The following EPHA5 variants were observed in gnomAD, a reference collection of about 807,000 sequenced individuals.
EPHA5 encodes the protein ephrin type-A receptor 5.
EPHA5 carries 60 observed loss-of-function variants against 105.0 expected under a neutral mutation model. That is an observed-to-expected ratio of 0.57 (90% confidence interval 0.46 to 0.71). The LOEUF is 0.71. Ranked by LOEUF, EPHA5 falls within the 30% of genes least tolerant of loss-of-function variation. The probability of loss-of-function intolerance (pLI) is 0.00; values close to 1 mark genes in which losing one functional copy is unlikely to be tolerated. For missense variants in EPHA5, 1,218 were observed against 1,274.7 expected, an observed-to-expected ratio of 0.96 and a Z score of 0.68; for synonymous variants, 513 against 449.1, an observed-to-expected ratio of 1.14 and a Z score of -1.80.
chr4:65,516,674 C>G (rs1275279836), intron 3 of EPHA5, among the ~76,000 whole-genome samples: 1 of 151,998 alleles, frequency 6.6e-6, no homozygotes, highest in Non-Finnish European at 1.5e-5. Context: ...TTTGGTTATT[C>G]TTTTGCATAT....
At chr4:65,481,850 G>A (rs1730394502) in intron 5 of EPHA5, among the ~76,000 whole-genome samples, 1 of 152,164 alleles carries the variant, frequency 6.6e-6, no homozygotes, top group South Asian at 2.1e-4. Context: ...GCTGGCTTAG[G>A]TGCTAAATAC....
At chr4:65,666,656 T>C (rs1176382367) in intron 1 of EPHA5, among the ~76,000 whole-genome samples, 1 of 152,208 alleles carries the variant, frequency 6.6e-6, no homozygotes, top group African/African-American at 2.4e-5. Context: ...AGATCAAATA[T>C]TCCTTTCACA....
chr4:65,405,656 T>C (rs1009635981), intron 7 of EPHA5, among the ~76,000 whole-genome samples: 1 of 152,190 alleles, frequency 6.6e-6, no homozygotes, highest in Non-Finnish European at 1.5e-5. Context: ...TGAGTAAAAC[T>C]ATTATTTTCA....
chr4:65,367,927 C>T (rs931556641), intron 8 of EPHA5, among the ~76,000 whole-genome samples: 1 of 151,964 alleles, frequency 6.6e-6, no homozygotes, highest in Non-Finnish European at 1.5e-5. Flanking sequence ...ACCCAGAAAA[C>T]TATGAAATTC....
intron 2 of EPHA5, among the ~76,000 whole-genome samples, chr4:65,633,933 A>T (rs183061913): frequency 4.7e-4 from 71 of 152,248 alleles, no homozygotes; most frequent in Admixed American, 1.9e-3. Flanking sequence ...ATAAGTGTGG[A>T]TAACACACCT....
intron 4 of EPHA5, among the ~76,000 whole-genome samples, chr4:65,492,531 A>T (rs1578243591): frequency 8.8e-6 from 1 of 113,088 alleles, no homozygotes; most frequent in African/African-American, 3.7e-5. Context: ...AAAACTTGAC[A>T]TCTTTGCAAA....
rs757363510 is a variant in EPHA5, at chr4:65,420,585, A to C, written c.1403-20T>G. Reference sequence around the variant, plus strand: ...ATGGAGCTGCAAAATAGTTTAAATAAGGAGCAGTATGATTAATAAGGCCCT... The same window carrying C: ...ATGGAGCTGCAAAATAGTTTAAATACGGAGCAGTATGATTAATAAGGCCCT... On this transcript the variant is annotated intron_variant, in intron 5 of 16. Coordinates refer to ENST00000613740, the MANE Select transcript of EPHA5 (RefSeq NM_001281766.3). The C allele has an allele frequency of 8.1e-6, 13 of 1,610,554 alleles. No individual in the cohort carries two copies. In the Admixed American group the frequency reaches 8.4e-5, roughly 10 times the overall value.
intron 2 of EPHA5, among the ~76,000 whole-genome samples, chr4:65,618,586 G>A (rs1164125894): frequency 1.3e-5 from 2 of 152,110 alleles, no homozygotes; most frequent in South Asian, 4.1e-4. Flanking sequence ...CCCCTAAGTA[G>A]TTACTTTATT....
chr4:65,368,489 C>T (rs897761979), intron 8 of EPHA5, among the ~76,000 whole-genome samples: 3 of 152,094 alleles, frequency 2.0e-5, no homozygotes, highest in Non-Finnish European at 4.4e-5. Context: ...TCCTTCACAA[C>T]AAACTAGTGC....
intron 5 of EPHA5, among the ~76,000 whole-genome samples, chr4:65,476,834 C>T (rs569804025): frequency 6.6e-6 from 1 of 152,224 alleles, no homozygotes; most frequent in South Asian, 2.1e-4. Context: ...TGGAAAAAAT[C>T]TGAACCTATC....
chr4:65,391,971 A>G (rs1720759089), intron 8 of EPHA5, among the ~76,000 whole-genome samples: 1 of 152,076 alleles, frequency 6.6e-6, no homozygotes, highest in African/African-American at 2.4e-5. Context: ...TAACTTCCTG[A>G]GCATTGCAGC....
intron 5 of EPHA5, among the ~76,000 whole-genome samples, chr4:65,430,731 C>A (rs575494216): frequency 6.6e-6 from 1 of 152,114 alleles, no homozygotes; most frequent in African/African-American, 2.4e-5. Flanking sequence ...GAGTATTATT[C>A]CATAGAATAA....
At chr4:65,464,336 T>G (rs1728407460) in intron 5 of EPHA5, among the ~76,000 whole-genome samples, 1 of 151,904 alleles carries the variant, frequency 6.6e-6, no homozygotes, top group African/African-American at 2.4e-5. Context: ...CCTACAAAAT[T>G]TAAATAAAAC....
chr4:65,413,964 A>G (rs533596482), intron 7 of EPHA5, among the ~76,000 whole-genome samples: 1 of 152,296 alleles, frequency 6.6e-6, no homozygotes, highest in South Asian at 2.1e-4. Context: ...TAAAACGACT[A>G]AAAAAGTAAA....
At position 65,369,311 on chromosome 4, in the gene EPHA5, T is replaced by C. The variant is rs576907457; in HGVS notation, c.1794-1887A>G. Among the ~76,000 whole-genome samples, 38 of 152,280 alleles carry C rather than the reference T, an allele frequency of 2.5e-4. No individual in the cohort carries two copies. The South Asian group carries it at 3.5e-3, about 14-fold the overall frequency. On this transcript the variant is annotated intron_variant, in intron 8 of 16. Transcript: ENST00000613740. The stretch of plus-strand genomic sequence containing the variant: ...TAAACAACTGGCTAAAATGAAAATA[T>C]TTAAATTATTTTTAGTGAAACTCTA...
chr4:65,665,936 C>CT (rs1749930967), intron 1 of EPHA5, among the ~76,000 whole-genome samples: 1 of 152,070 alleles, frequency 6.6e-6, no homozygotes, highest in East Asian at 1.9e-4. Context: ...TTTTACTGTC[C>CT]TTTTTTCTGT....
intron 8 of EPHA5, among the ~76,000 whole-genome samples, chr4:65,371,716 A>C (rs1718488780): frequency 6.6e-6 from 1 of 152,048 alleles, no homozygotes; most frequent in Non-Finnish European, 1.5e-5. Context: ...TAGAATAGCC[A>C]AAACAGAGTG....
intron 3 of EPHA5, among the ~76,000 whole-genome samples, chr4:65,543,284 C>T (rs530368584): frequency 3.9e-4 from 59 of 152,092 alleles, no homozygotes; most frequent in Non-Finnish European, 5.9e-5. Flanking sequence ...GTCAAATTGT[C>T]TCTGTCTGCA....
chr4:65,553,695 T>G (rs1047451598), intron 3 of EPHA5, among the ~76,000 whole-genome samples: 5 of 152,086 alleles, frequency 3.3e-5, no homozygotes, highest in Non-Finnish European at 7.4e-5. Context: ...TTGTGAAATA[T>G]TGGGCCATCT....
Sources: gnomAD v4.1 joint callset for allele counts (sites outside exome capture counted in the v4.1 genomes callset) on GRCh38, gnomAD v4.1.1 for gene constraint, MANE v1.5 for transcripts, NCBI Gene and HGNC (gene_info 2026-07-23, HGNC 2026-07-21) for gene names.